MAP1S: variants seen among roughly 807,000 people sequenced by gnomAD.
The protein encoded by MAP1S is microtubule associated protein 1S.
In MAP1S, 27 loss-of-function variants were observed where a neutral mutation model predicts 60.9. The ratio of observed to expected loss-of-function variants is 0.44; its 90% CI spans 0.33 to 0.61. The LOEUF is 0.61. Among genes scored for constraint, MAP1S ranks in the 20% least tolerant of loss-of-function variants. The probability of loss-of-function intolerance (pLI) is 0.03; values close to 1 mark genes in which losing one functional copy is unlikely to be tolerated. For synonymous variants in MAP1S, 826 were observed against 694.2 expected (o/e 1.19, Z -2.98); for missense variants, 1,608 against 1,486.6 (o/e 1.08, Z -1.34).
chr19:17,725,816 C>T lies in MAP1S; in HGVS notation c.445-13C>T, dbSNP rs1381300563. On this transcript the variant is annotated splice_polypyrimidine_tract_variant and intron_variant, in intron 4 of 6. Coordinates refer to ENST00000324096, the MANE Select transcript of MAP1S (RefSeq NM_018174.6). This position sits in a 1 kb window ranked among gnomAD's most constrained non-coding sequence, Gnocchi z 4.2. ...GGCTCTAGGTGGTCCCTTACCACTC[C>T]TCCTCCATACAGATCCGGGACATCC... 1.9e-6 allele frequency: 3 copies of T among 1,603,900 alleles called. No homozygotes were observed. Among genetic ancestry groups the T allele is most frequent in the Non-Finnish European group, 2.6e-6 (3 of 1,175,620 alleles).
rs192359601 is a variant in MAP1S at position 17,728,168 on chromosome 19, G to A, written c.2784G>A (p.Pro928=). 1.8e-5 allele frequency: 28 copies of A among 1,586,002 alleles called. No individual in the cohort carries two copies. The highest frequency in any genetic ancestry group is 3.4e-4 in the Middle Eastern group (2 of 5,912). The change falls in exon 5 of 7, where the codon CCG becomes CCA. Residue 928 remains proline (P), a synonymous_variant. Transcript: ENST00000324096. ...CCCCCAAGACTGCCACTCGAGGCCC[G>A]TCGGGTGAGTACTGGAGCTGGGGCC... The part of the protein sequence containing the change: ...SSTPKTATRG[P]SGSASSRPGV...
At chr19:17,723,021 C>A (rs372326118) in intron 2 of MAP1S, among the ~76,000 whole-genome samples, 2 of 152,220 alleles carry the variant, frequency 1.3e-5, no homozygotes, top group Admixed American at 1.3e-4. Flanking sequence ...CCGGCCCCCA[C>A]CCCGGCTCTG....
chr19:17,726,268 C>T lies in MAP1S; in HGVS notation c.884C>T (p.Ala295Val). 1 of 1,606,512 alleles carries T rather than the reference C, an allele frequency of 6.2e-7. No homozygotes were observed. The highest frequency in any genetic ancestry group is 1.1e-5 in the South Asian group (1 of 89,910). Residue 295 changes from alanine (A) to valine (V), a missense_variant, in exon 5 of 7, where the codon GCC becomes GTC. By Grantham distance (64) the Ala-to-Val change is moderately conservative. Coordinates refer to ENST00000324096, the MANE Select transcript of MAP1S (RefSeq NM_018174.6). ...GCCGTGCTGGTGACCCACCCTGGCG[C>T]CGACAGCCTCCCCGGCCTCAACAGC... ...VDAVLVTHPG[A>V]DSLPGLNSLL...
At chr19:17,720,251 C>T in intron 1 of MAP1S, 1 of 1,395,592 alleles carries the variant, frequency 7.2e-7, no homozygotes, top group Middle Eastern at 1.9e-4. Flanking sequence ...GGTGTTCATC[C>T]CCCATCCCTC....
At chr19:17,732,771 C>T (rs2080502917) in intron 5 of MAP1S, among the ~76,000 whole-genome samples, 1 of 152,188 alleles carries the variant, frequency 6.6e-6, no homozygotes, top group South Asian at 2.1e-4. Context: ...TTCCAGGAAG[C>T]ATTCCCTGAT....
chr19:17,729,893 C>T (rs2080477916), intron 5 of MAP1S, among the ~76,000 whole-genome samples: 1 of 152,142 alleles, frequency 6.6e-6, no homozygotes, highest in Admixed American at 6.5e-5. Flanking sequence ...GAACTCCTGG[C>T]CTCGTGATCT....
Position 17,734,478 on chromosome 19 carries a change from T to C in MAP1S, c.*50T>C. 6.4e-7 allele frequency: 1 copy of C among 1,568,714 alleles called. No homozygotes were observed. The highest frequency in any genetic ancestry group is 8.7e-7 in the Non-Finnish European group (1 of 1,155,868). ...TCAGCCCAGCCCGCCTGTCCCTAGA[T>C]TCAGCCACATCAGAAATAAACTGTG... On this transcript the variant is annotated 3_prime_UTR_variant, in exon 7 of 7. Coordinates refer to ENST00000324096, the MANE Select transcript of MAP1S (RefSeq NM_018174.6).
chr19:17,719,993 C>A (rs904462740), intron 1 of MAP1S: 2 of 479,730 alleles, frequency 4.2e-6, no homozygotes, highest in Non-Finnish European at 5.5e-6. Flanking sequence ...CTTTGGATCT[C>A]CAGGTCTTAG....
chr19:17,720,576 TGGC>T, intron 1 of MAP1S: 3 of 1,389,904 alleles, frequency 2.2e-6, no homozygotes, highest in Non-Finnish European at 1.9e-6. Flanking sequence ...AAGGGCCCCC[TGGC>T]CAGTAGGAAC....
intron 5 of MAP1S, among the ~76,000 whole-genome samples, chr19:17,729,406 G>A (rs780964590): frequency 1.3e-5 from 2 of 152,192 alleles, no homozygotes; most frequent in African/African-American, 4.8e-5. Context: ...ACAGGGAATG[G>A]TGGGAACCCT....
intron 1 of MAP1S, chr19:17,720,500 A>C: frequency 6.6e-7 from 1 of 1,514,052 alleles, no homozygotes; most frequent in Non-Finnish European, 8.8e-7. Flanking sequence ...TGGTGTCAGG[A>C]AGGATGAGAA....
At chr19:17,731,542 T>C (rs1300024545) in intron 5 of MAP1S, among the ~76,000 whole-genome samples, 1 of 152,200 alleles carries the variant, frequency 6.6e-6, no homozygotes, top group East Asian at 1.9e-4. Context: ...GAAGTGTGAG[T>C]CCTCTATCTT....
intron 2 of MAP1S, among the ~76,000 whole-genome samples, chr19:17,722,262 G>A (rs1279706796): frequency 6.6e-6 from 1 of 152,118 alleles, no homozygotes; most frequent in Non-Finnish European, 1.5e-5. Context: ...AACCAGCTGG[G>A]GCAACATGGT....
chr19:17,720,138 T>G, intron 1 of MAP1S: 10 of 1,285,048 alleles, frequency 7.8e-6, no homozygotes, highest in East Asian at 3.5e-5. Context: ...GCCCTGGGGA[T>G]TTGGCACCTA....
chr19:17,732,742 C>G (rs2080502817), intron 5 of MAP1S, among the ~76,000 whole-genome samples: 1 of 152,176 alleles, frequency 6.6e-6, no homozygotes, highest in Non-Finnish European at 1.5e-5. Flanking sequence ...GCTTTCAGGG[C>G]TCAAACTCTT....
intron 6 of MAP1S, 60 bp from the exon 7 acceptor site, chr19:17,734,213 C>T (rs1738336453): frequency 1.4e-6 from 2 of 1,453,290 alleles, no homozygotes; most frequent in Non-Finnish European, 1.9e-6. Context: ...GCCAGAAGGG[C>T]AGGGGGCACC....
At chr19:17,721,095 C>A in intron 2 of MAP1S, 58 bp downstream of exon 2, 1 of 1,392,910 alleles carries the variant, frequency 7.2e-7, no homozygotes, top group South Asian at 1.2e-5. Flanking sequence ...GAAGTGCCAG[C>A]CGTGTGCCAG....
intron 2 of MAP1S, among the ~76,000 whole-genome samples, chr19:17,721,759 G>A (rs905291512): frequency 6.6e-6 from 1 of 152,182 alleles, no homozygotes; most frequent in African/African-American, 2.4e-5. Context: ...TGGGCCCCTT[G>A]CAGGAAGGGA....
chr19:17,719,708 G>T, intron 1 of MAP1S, 88 bp downstream of exon 1: 1 of 456,968 alleles, frequency 2.2e-6, no homozygotes, highest in East Asian at 1.5e-4. Context: ...GGGCGGCGGC[G>T]GCGGCGGCGG....
Sources: allele counts gnomAD v4.1 joint callset (sites outside exome capture counted in the v4.1 genomes callset), GRCh38; gene constraint gnomAD v4.1.1; non-coding constraint Gnocchi (gnomAD v3.1); transcripts MANE v1.5; gene names NCBI Gene and HGNC (gene_info 2026-07-23, HGNC 2026-07-21).